UBALD2: variants seen among roughly 807,000 people sequenced by gnomAD.
UBALD2 encodes UBA like domain containing 2.
A neutral mutation model predicts 15.9 loss-of-function variants in UBALD2; 8 were observed. The observed-to-expected ratio is 0.50, with a 90% CI of 0.29 to 0.91. The LOEUF (loss-of-function observed/expected upper bound fraction) is 0.91. Among genes scored for constraint, UBALD2 ranks in the 40% least tolerant of loss-of-function variants. UBALD2 has a pLI of 0.07. For synonymous variants in UBALD2, 113 were observed against 97.7 expected, an observed-to-expected ratio of 1.16 and a Z score of -0.93; for missense variants, 178 against 234.8, an observed-to-expected ratio of 0.76 and a Z score of 1.58.
chr17:76,266,053 C>T, intron 2 of UBALD2, 84 bp downstream of exon 2: 1 of 1,470,484 alleles, frequency 6.8e-7, no homozygotes, highest in African/African-American at 1.4e-5. Flanking sequence ...CGCCGCGCCG[C>T]GAATGTAAAC....
chr17:76,267,554 A>C (rs897996230), intron 2 of UBALD2, among the ~76,000 whole-genome samples: 1 of 132,620 alleles, frequency 7.5e-6, no homozygotes, highest in African/African-American at 3.0e-5. Flanking sequence ...GGGAGTCTCT[A>C]TGTGGCCCAA....
chr17:76,270,126 G>A, intron 2 of UBALD2, 68 bp from the exon 3 acceptor site: 1 of 1,541,688 alleles, frequency 6.5e-7, no homozygotes, highest in African/African-American at 1.4e-5. Flanking sequence ...GGCTGGCCTG[G>A]GTAAGCCCCA....
At chr17:76,268,424 A>G (rs930974221) in intron 2 of UBALD2, among the ~76,000 whole-genome samples, 1 of 151,612 alleles carries the variant, frequency 6.6e-6, no homozygotes, top group Non-Finnish European at 1.5e-5. Context: ...GCTGTGATGC[A>G]ATTGGCCTCC....
rs891740625 is a variant in UBALD2, at chr17:76,269,078, C to A, written c.184-1116C>A. The stretch of plus-strand genomic sequence containing the variant: ...GTGAAGAGCCCTCAAGTCGTTCCCC[C>A]AACTCCTGCGCCTGGGGGAGGGGCC... On this transcript the variant is annotated intron_variant, in intron 2 of 2. Transcript: ENST00000327490. The surrounding 1 kb of genome is among the most constrained non-coding windows in gnomAD (Gnocchi z 4.6). 2.0e-5 allele frequency among the ~76,000 whole-genome samples: 3 copies of A among 152,102 alleles called. No individual in the cohort carries two copies. Among genetic ancestry groups the A allele is most frequent in the Non-Finnish European group, 2.9e-5 (2 of 68,020 alleles).
At position 76,271,159 on chromosome 17, in the gene UBALD2, C is replaced by G. The variant is rs2070585875; in HGVS notation, c.*654C>G. The G allele has an allele frequency of 6.4e-5, 5 of 77,628 alleles. No homozygotes were observed. The Admixed American group carries it at 6.8e-4, about 11-fold the overall frequency. 4.8% of individuals were successfully genotyped at this position (77,628 alleles called of 1,614,324 possible). A position where few individuals can be genotyped will look rare whatever the true frequency, so the allele number is the denominator to read the frequency against. On this transcript the variant is annotated 3_prime_UTR_variant, in exon 3 of 3. Transcript: ENST00000327490. ...TCTGCCCAGCAGGGGACTTGACTGCCCTGGGCGCCCTGCCCCTCCCGCTGC... is the reference window on the plus strand; with the variant it reads ...TCTGCCCAGCAGGGGACTTGACTGCGCTGGGCGCCCTGCCCCTCCCGCTGC...
chr17:76,270,384 T>TTGCCCC lies in UBALD2; in HGVS notation c.374_375insTGCCCC (p.Ile125_Pro126insAlaPro). The TTGCCCC allele has an allele frequency of 6.6e-7, 1 of 1,504,906 alleles. No homozygotes were observed. The highest frequency in any genetic ancestry group is 9.0e-7 in the Non-Finnish European group (1 of 1,116,334). The allele number at this position is 1,504,906 out of a possible 1,614,324, so 93.2% of individuals were successfully genotyped here. ...CCGCCCAGCCACCAGGCGCCCTGGA[T>TTGCCCC]CCCGCCCTCCTCCCCCACCACCTTC... On this transcript the variant is annotated inframe_insertion, in exon 3 of 3. Coordinates refer to ENST00000327490, the MANE Select transcript of UBALD2 (RefSeq NM_182565.4).
chr17:76,265,881 C>T (rs764190325), intron 1 of UBALD2, 26 bp from the exon 2 acceptor site: 14 of 1,595,192 alleles, frequency 8.8e-6, no homozygotes, highest in East Asian at 2.3e-5. Context: ...CCTGGCCCGC[C>T]GTGTCACTGC....
intron 2 of UBALD2, among the ~76,000 whole-genome samples, chr17:76,267,601 G>A (rs750641054): frequency 4.1e-5 from 6 of 146,578 alleles, no homozygotes; most frequent in Non-Finnish European, 5.9e-5. Context: ...CTATCCTTCC[G>A]CCTCAGCCTC....
rs545210858 is a variant in UBALD2, at chr17:76,269,744, T to C, written c.184-450T>C. On this transcript the variant is annotated intron_variant, in intron 2 of 2. Transcript: ENST00000327490. This position sits in a 1 kb window ranked among gnomAD's most constrained non-coding sequence, Gnocchi z 4.6. ...CCAAGGTGGCTTAACTTTTCCAGGGTTGGCACAGGAGGGAGAGCCTCCCCG... is the reference window on the plus strand; with the variant it reads ...CCAAGGTGGCTTAACTTTTCCAGGGCTGGCACAGGAGGGAGAGCCTCCCCG... Among the ~76,000 whole-genome samples the C allele has an allele frequency of 3.3e-5, 5 of 152,182 alleles. No individual in the cohort carries two copies. Among genetic ancestry groups the C allele is most frequent in the Non-Finnish European group, 5.9e-5 (4 of 68,024 alleles).
chr17:76,270,384 T>TGCCCC lies in UBALD2; in HGVS notation c.374_375insGCCCC (p.Ile125MetfsTer86). ...CCGCCCAGCCACCAGGCGCCCTGGA[T>TGCCCC]CCCGCCCTCCTCCCCCACCACCTTC... On this transcript the variant is annotated frameshift_variant, in exon 3 of 3. Coordinates refer to ENST00000327490, the MANE Select transcript of UBALD2 (RefSeq NM_182565.4). LOFTEE classifies it high-confidence loss of function. 2.7e-6 allele frequency: 4 copies of TGCCCC among 1,504,908 alleles called. No homozygotes were observed. The highest frequency in any genetic ancestry group is 2.7e-6 in the Non-Finnish European group (3 of 1,116,338). 93.2% of individuals were successfully genotyped at this position (1,504,908 alleles called of 1,614,324 possible).
intron 2 of UBALD2, 70 bp downstream of exon 2, chr17:76,266,039 G>C (rs970296064): frequency 1.9e-5 from 28 of 1,491,978 alleles, no homozygotes; most frequent in Non-Finnish European, 2.4e-5. Flanking sequence ...ATGTTGCCGG[G>C]GAGCGCCGCG....
Position 76,265,374 on chromosome 17 carries a change from G to T in UBALD2, c.-132G>T. 2 of 899,040 alleles carry T rather than the reference G, an allele frequency of 2.2e-6. No homozygotes were observed. The highest frequency in any genetic ancestry group is 2.7e-6 in the Non-Finnish European group (2 of 752,086). 55.7% of individuals were successfully genotyped at this position (899,040 alleles called of 1,614,324 possible). On this transcript the variant is annotated 5_prime_UTR_variant, in exon 1 of 3. Transcript: ENST00000327490. Reference sequence around the variant, plus strand: ...CAACATTCGCCGGGCGGGCGGCGGCGGAGCGGGCGGCGGAGCGGCGGCAGC... The same window carrying T: ...CAACATTCGCCGGGCGGGCGGCGGCTGAGCGGGCGGCGGAGCGGCGGCAGC...
At chr17:76,265,664 CG>C in intron 1 of UBALD2, 39 bp downstream of exon 1, 1 of 1,137,446 alleles carries the variant, frequency 8.8e-7, no homozygotes, top group Non-Finnish European at 1.1e-6. Context: ...CCGCGGGGGT[CG>C]GGGACGCCGG....
intron 1 of UBALD2, 88 bp from the exon 2 acceptor site, chr17:76,265,819 C>T: frequency 6.7e-7 from 1 of 1,500,428 alleles, no homozygotes; most frequent in Non-Finnish European, 9.0e-7. Context: ...GGGCCGGGCG[C>T]GGAGGCGGGG....
At chr17:76,266,285 G>A (rs2070545148) in intron 2 of UBALD2, among the ~76,000 whole-genome samples, 1 of 152,148 alleles carries the variant, frequency 6.6e-6, no homozygotes, top group African/African-American at 2.4e-5. Context: ...GGGATGGGGA[G>A]GGGGAGAGGG....
At chr17:76,267,954 C>T (rs1213116222) in intron 2 of UBALD2, among the ~76,000 whole-genome samples, 1 of 152,160 alleles carries the variant, frequency 6.6e-6, no homozygotes, top group Non-Finnish European at 1.5e-5. Flanking sequence ...CCACTGCACC[C>T]GGCCTGGCAA....
chr17:76,266,912 GCTCT>G (rs771762648), intron 2 of UBALD2, among the ~76,000 whole-genome samples: 2 of 152,140 alleles, frequency 1.3e-5, no homozygotes, highest in Non-Finnish European at 2.9e-5. Flanking sequence ...CTTGCCTTTG[GCTCT>G]CTGTTTTCAT....
chr17:76,266,972 C>T (rs2143058092), intron 2 of UBALD2, among the ~76,000 whole-genome samples: 1 of 152,254 alleles, frequency 6.6e-6, no homozygotes, highest in Non-Finnish European at 1.5e-5. Flanking sequence ...ACCTTGTTAG[C>T]TAGTTTTTCT....
chr17:76,270,742 T>C lies in UBALD2; in HGVS notation c.*237T>C. ...CTGTTTTTAATATATAACTATAATA[T>C]ATATGAATAGATAAATATAACTAAT... is the stretch of plus-strand genomic sequence containing the variant. On this transcript the variant is annotated 3_prime_UTR_variant, in exon 3 of 3. Coordinates refer to ENST00000327490, the MANE Select transcript of UBALD2 (RefSeq NM_182565.4). 5.3e-6 allele frequency: 2 copies of C among 380,000 alleles called. No homozygotes were observed. The highest frequency in any genetic ancestry group is 9.2e-6 in the Non-Finnish European group (2 of 216,830). 23.5% of individuals were successfully genotyped at this position (380,000 alleles called of 1,614,324 possible).
Sources: allele counts gnomAD v4.1 joint callset (sites outside exome capture counted in the v4.1 genomes callset), GRCh38; gene constraint gnomAD v4.1.1; non-coding constraint Gnocchi (gnomAD v3.1); transcripts MANE v1.5; gene names NCBI Gene and HGNC (gene_info 2026-07-23, HGNC 2026-07-21).